The following ACTN4 variants were observed in gnomAD, a reference collection of about 807,000 sequenced individuals.
ACTN4 encodes the protein alpha-actinin-4.
In ACTN4, 18 loss-of-function variants were observed where a neutral mutation model predicts 114.2. That is an observed-to-expected ratio of 0.16 (90% CI 0.11 to 0.23). The LOEUF (loss-of-function observed/expected upper bound fraction) is 0.23. ACTN4 is among the 10% of genes least tolerant of loss of function. ACTN4 has a pLI of 1.00. For synonymous variants in ACTN4, 515 were observed against 506.3 expected, an observed-to-expected ratio of 1.02 and a Z score of -0.23; for missense variants, 722 against 1,262.9, an observed-to-expected ratio of 0.57 and a Z score of 6.49.
At chr19:38,680,074 C>T (rs1967507057) in intron 1 of ACTN4, among the ~76,000 whole-genome samples, 1 of 152,118 alleles carries the variant, frequency 6.6e-6, no homozygotes, top group African/African-American at 2.4e-5. Flanking sequence ...GTAGTCCTGA[C>T]TCACTCACCA....
intron 9 of ACTN4, among the ~76,000 whole-genome samples, chr19:38,715,469 C>T (rs574677028): frequency 1.3e-5 from 2 of 152,174 alleles, no homozygotes; most frequent in African/African-American, 2.4e-5. Context: ...TGTACTCTAG[C>T]CTAGCGACAG....
At chr19:38,651,603 A>G (rs1976563388) in intron 1 of ACTN4, among the ~76,000 whole-genome samples, 1 of 151,920 alleles carries the variant, frequency 6.6e-6, no homozygotes, top group Admixed American at 6.6e-5. Context: ...CAGGGGCCTC[A>G]ATGTTTCAAC....
At position 38,729,366 on chromosome 19, in the gene ACTN4, C is replaced by T. The variant is rs113969422; in HGVS notation, c.2670C>T (p.Asp890=). The stretch of plus-strand genomic sequence containing the variant: ...GCATGGCGCCATACCAGGGCCCTGA[C>T]GCCGTGCCCGGTGCCCTCGACTACA... ...IARMAPYQGP[D]AVPGALDYKS... The change falls in exon 21 of 21, where the codon GAC becomes GAT. Residue 890 remains aspartate (D), a synonymous_variant. Transcript: ENST00000252699. 4.2e-5 allele frequency: 68 copies of T among 1,612,690 alleles called. No individual in the cohort carries two copies. The highest frequency in any genetic ancestry group is 4.2e-4 in the Admixed American group (25 of 60,010).
rs1337405763 is a variant in ACTN4 at position 38,717,436 on chromosome 19, A to G, written c.1143+120A>G. 2.2e-6 allele frequency: 3 copies of G among 1,358,374 alleles called. No homozygotes were observed. Among genetic ancestry groups the G allele is most frequent in the South Asian group, 1.3e-5 (1 of 79,512 alleles). 84.1% of individuals were successfully genotyped at this position (1,358,374 alleles called of 1,614,324 possible). On this transcript the variant is annotated intron_variant, in intron 10 of 20. Coordinates refer to ENST00000252699, the MANE Select transcript of ACTN4 (RefSeq NM_004924.6). This position sits in a 1 kb window ranked among gnomAD's most constrained non-coding sequence, Gnocchi z 4.0. Reference sequence around the variant, plus strand: ...TTGTTGATGTCCTGTGGGACATGGCATGGCCTTTCGGATGCAGTGGTCGGG... The same window carrying G: ...TTGTTGATGTCCTGTGGGACATGGCGTGGCCTTTCGGATGCAGTGGTCGGG...
chr19:38,669,862 T>G (rs754517469), intron 1 of ACTN4, among the ~76,000 whole-genome samples: 1 of 152,052 alleles, frequency 6.6e-6, no homozygotes, highest in Non-Finnish European at 1.5e-5. Flanking sequence ...AGCAAAAGAC[T>G]CCTTGGGTAG....
At chr19:38,650,017 A>G (rs1027279968) in intron 1 of ACTN4, among the ~76,000 whole-genome samples, 5 of 152,114 alleles carry the variant, frequency 3.3e-5, no homozygotes, top group Admixed American at 6.5e-5. Context: ...TCTGTTCTGG[A>G]GTCTCAACAA....
chr19:38,675,810 T>TG (rs1044201974), intron 1 of ACTN4, among the ~76,000 whole-genome samples: 225 of 152,288 alleles, frequency 1.5e-3, no homozygotes, highest in African/African-American at 5.1e-3. Flanking sequence ...CGGAGGTTCC[T>TG]GGGGCTCCTG....
chr19:38,647,669 A>G lies in ACTN4; in HGVS notation c.-77A>G. The G allele has an allele frequency of 1.4e-6, 2 of 1,475,302 alleles. No individual in the cohort carries two copies. Among genetic ancestry groups the G allele is most frequent in the Non-Finnish European group, 1.8e-6 (2 of 1,111,074 alleles). 91.4% of individuals were successfully genotyped at this position (1,475,302 alleles called of 1,614,324 possible). On this transcript the variant is annotated 5_prime_UTR_variant, in exon 1 of 21. Transcript: ENST00000252699. The stretch of plus-strand genomic sequence containing the variant: ...GGGCTGAAGCAGCTGAAGCGGCGGT[A>G]GCGGCGGCGGCTCGGGCAGAGGGGC...
intron 1 of ACTN4, among the ~76,000 whole-genome samples, chr19:38,649,186 C>CG (rs371714249): frequency 0.02 from 594 of 29,682 alleles, 2 homozygotes; most frequent in African/African-American, 0.052. Context: ...TTTTGGGGGG[C>CG]GGGGGGGGCA....
At chr19:38,721,327 TGTCCATCCAG>T (rs1314689349) in intron 11 of ACTN4, among the ~76,000 whole-genome samples, 2 of 152,212 alleles carry the variant, frequency 1.3e-5, no homozygotes, top group Non-Finnish European at 2.9e-5. Flanking sequence ...AACCCTGAAG[TGTCCATCCAG>T]GTCCATCCAG....
chr19:38,720,180 C>T (rs1306110183), intron 11 of ACTN4, among the ~76,000 whole-genome samples: 1 of 152,248 alleles, frequency 6.6e-6, no homozygotes, highest in Admixed American at 6.5e-5. Context: ...ACACCCCTCA[C>T]CATCCCCCAC....
chr19:38,664,780 A>C (rs1402351813), intron 1 of ACTN4, among the ~76,000 whole-genome samples: 2 of 152,100 alleles, frequency 1.3e-5, no homozygotes, highest in African/African-American at 2.4e-5. Flanking sequence ...TCCTTATGAG[A>C]TGCTGCCTTC....
At chr19:38,697,001 CCT>C (rs1968116932) in intron 1 of ACTN4, among the ~76,000 whole-genome samples, 1 of 152,216 alleles carries the variant, frequency 6.6e-6, no homozygotes, top group South Asian at 2.1e-4. Context: ...CCTATCTTAA[CCT>C]CTCGGTTACT....
At chr19:38,689,953 C>T (rs937257250) in intron 1 of ACTN4, among the ~76,000 whole-genome samples, 4 of 152,170 alleles carry the variant, frequency 2.6e-5, no homozygotes, top group African/African-American at 9.7e-5. Flanking sequence ...GGAAGGTGAT[C>T]GCACCCACCT....
intron 1 of ACTN4, among the ~76,000 whole-genome samples, chr19:38,669,515 G>A (rs558719921): frequency 1.3e-5 from 2 of 152,324 alleles, no homozygotes; most frequent in South Asian, 4.1e-4. Flanking sequence ...GAAGCTGCAA[G>A]CATGCTGTTT....
chr19:38,655,796 G>A (rs556318820), intron 1 of ACTN4, among the ~76,000 whole-genome samples: 1 of 152,288 alleles, frequency 6.6e-6, no homozygotes, highest in South Asian at 2.1e-4. Context: ...AGTTCCTTAT[G>A]TAAGATAAAA....
chr19:38,677,911 G>A (rs1433256529), intron 1 of ACTN4, among the ~76,000 whole-genome samples: 1 of 152,066 alleles, frequency 6.6e-6, no homozygotes, highest in African/African-American at 2.4e-5. Flanking sequence ...ATTTTTGGTA[G>A]AGACAATGTT....
intron 6 of ACTN4, 79 bp from the exon 7 acceptor site, chr19:38,709,316 C>G: frequency 8.9e-7 from 1 of 1,126,506 alleles, no homozygotes; most frequent in South Asian, 1.2e-5. Flanking sequence ...GTCTCTCCCT[C>G]TGGGCCAGCC....
At chr19:38,660,312 G>T (rs772633427) in intron 1 of ACTN4, among the ~76,000 whole-genome samples, 1 of 152,172 alleles carries the variant, frequency 6.6e-6, no homozygotes, top group Non-Finnish European at 1.5e-5. Flanking sequence ...ATAGGATTAT[G>T]TGCAATAAAT....
Sources: allele counts gnomAD v4.1 joint callset (sites outside exome capture counted in the v4.1 genomes callset), GRCh38; gene constraint gnomAD v4.1.1; non-coding constraint Gnocchi (gnomAD v3.1); transcripts MANE v1.5; gene names NCBI Gene and HGNC (gene_info 2026-07-23, HGNC 2026-07-21).